Variants in ANXA6 observed in about 807,000 individuals in gnomAD.
ANXA6 encodes the protein 67 kDa calelectrin.
In ANXA6, 71 loss-of-function variants were observed where a neutral mutation model predicts 95.4. The observed-to-expected ratio is 0.74, with a 90% CI of 0.61 to 0.91. ANXA6 has a LOEUF of 0.91. ANXA6 is among the 40% of genes least tolerant of loss of function. ANXA6 has a pLI of 0.00. For synonymous variants in ANXA6, 289 were observed against 315.9 expected (o/e 0.91, Z 0.90); for missense variants, 830 against 876.4 (o/e 0.95, Z 0.67).
At chr5:151,123,122 T>A in intron 15 of ANXA6, 111 bp from the exon 16 acceptor site, 3 of 935,622 alleles carry the variant, frequency 3.2e-6, no homozygotes, top group Non-Finnish European at 5.1e-6. Flanking sequence ...GAAGCCTGGC[T>A]AAGCGGCCAT....
intron 1 of ANXA6, among the ~76,000 whole-genome samples, chr5:151,152,287 A>G (rs1393804831): frequency 6.6e-6 from 1 of 152,256 alleles, no homozygotes; most frequent in Non-Finnish European, 1.5e-5. Context: ...CGTGGCACAC[A>G]GTAAAGGCTC....
At chr5:151,143,842 G>A (rs1219089324) in intron 2 of ANXA6, among the ~76,000 whole-genome samples, 1 of 152,086 alleles carries the variant, frequency 6.6e-6, no homozygotes, top group Non-Finnish European at 1.5e-5. Context: ...TGGAGGTGAC[G>A]TCTAAGCTGA....
chr5:151,131,462 C>T (rs1042212706), intron 10 of ANXA6, among the ~76,000 whole-genome samples, 173 bp from the exon 11 acceptor site: 21 of 152,194 alleles, frequency 1.4e-4, no homozygotes, highest in Admixed American at 6.5e-5. Flanking sequence ...CCACTTTTAC[C>T]GCACACCCAG....
At chr5:151,101,719 G>A (rs1482700347) in intron 25 of ANXA6, among the ~76,000 whole-genome samples, 2 of 152,086 alleles carry the variant, frequency 1.3e-5, no homozygotes, top group Non-Finnish European at 2.9e-5. Flanking sequence ...GCAAGCTCCC[G>A]GCCTGGCTTC....
chr5:151,112,339 G>T (rs562872900), intron 20 of ANXA6, among the ~76,000 whole-genome samples: 1 of 152,058 alleles, frequency 6.6e-6, no homozygotes, highest in African/African-American at 2.4e-5. Flanking sequence ...ATACTTCCTG[G>T]GAAGTACTTA....
chr5:151,145,419 C>T (rs571102764), intron 2 of ANXA6, among the ~76,000 whole-genome samples: 11 of 152,330 alleles, frequency 7.2e-5, no homozygotes, highest in South Asian at 2.1e-4. Context: ...AAACCCAGAA[C>T]GTCCCTGTGA....
chr5:151,126,243 C>A (rs1765311418), intron 14 of ANXA6, among the ~76,000 whole-genome samples, 159 bp downstream of exon 14: 1 of 152,132 alleles, frequency 6.6e-6, no homozygotes, highest in African/African-American at 2.4e-5. Context: ...GCCCCTCCAC[C>A]AGTTCACCAC....
At chr5:151,147,974 T>C in intron 1 of ANXA6, 48 bp from the exon 2 acceptor site, 1 of 1,525,070 alleles carries the variant, frequency 6.6e-7, no homozygotes, top group Admixed American at 1.9e-5. Context: ...ACTCTAACCA[T>C]CCCCTTTCTT....
At chr5:151,138,844 C>A (rs1163133000) in intron 4 of ANXA6, 53 bp from the exon 5 acceptor site, 1 of 1,271,674 alleles carries the variant, frequency 7.9e-7, no homozygotes, top group Non-Finnish European at 1.1e-6. Flanking sequence ...AGAGTAGTTA[C>A]AACGGTAAGA....
At chr5:151,128,560 A>G (rs1372101394) in intron 12 of ANXA6, among the ~76,000 whole-genome samples, 4 of 152,222 alleles carry the variant, frequency 2.6e-5, no homozygotes, top group African/African-American at 9.6e-5. Flanking sequence ...CCAGTGCCCC[A>G]GCACAGCACT....
intron 8 of ANXA6, 131 bp from the exon 9 acceptor site, chr5:151,133,318 A>G: frequency 1.6e-6 from 1 of 636,054 alleles, no homozygotes; most frequent in Non-Finnish European, 2.9e-6. Context: ...ACCTTTGCAA[A>G]TAAAACAGTC....
intron 21 of ANXA6, 131 bp downstream of exon 21, chr5:151,110,496 G>T (rs916476495): frequency 2.1e-6 from 2 of 973,530 alleles, no homozygotes; most frequent in East Asian, 2.7e-5. Context: ...ACCAAGCAGG[G>T]CCCGGAAGGG....
Position 151,101,066 on chromosome 5 carries a change from T to G in ANXA6, c.*382A>C, listed in dbSNP as rs1294513453. The G allele has an allele frequency of 4.2e-6, 2 of 473,466 alleles. No homozygotes were observed. The highest frequency in any genetic ancestry group is 8.4e-6 in the Non-Finnish European group (2 of 238,970). 29.3% of individuals were successfully genotyped at this position (473,466 alleles called of 1,614,324 possible). A position where few individuals can be genotyped will look rare whatever the true frequency, so the allele number is the denominator to read the frequency against. On this transcript the variant is annotated 3_prime_UTR_variant, in exon 26 of 26. Transcript: ENST00000354546. ...CCGCCCAGCACATTCAACTGGCCCC[T>G]GCCACCAACCCCCTCATTCAAAGTA...
Position 151,108,458 on chromosome 5 carries a change from T to A in ANXA6, c.1777A>T (p.Ile593Phe). Reference sequence around the variant, plus strand: ...TCCCTTAGTCCCTGCCAGTTACCAATGGCCACAAATGCATCCCTGACATCC... The same window carrying A: ...TCCCTTAGTCCCTGCCAGTTACCAAAGGCCACAAATGCATCCCTGACATCC... ...SGDVRDAFVAIVQSVKNKPLF... is the reference protein window; with the variant it reads ...SGDVRDAFVAFVQSVKNKPLF... Residue 593 changes from isoleucine to phenylalanine, a missense_variant, in exon 23 of 26, where the codon ATT becomes TTT. Transcript: ENST00000354546. 6.2e-7 allele frequency: 1 copy of A among 1,613,754 alleles called. No homozygotes were observed. Among genetic ancestry groups the A allele is most frequent in the East Asian group, 2.2e-5 (1 of 44,884 alleles).
chr5:151,128,278 C>A, intron 12 of ANXA6, 39 bp from the exon 13 acceptor site: 1 of 1,553,828 alleles, frequency 6.4e-7, no homozygotes, highest in East Asian at 2.3e-5. Context: ...TCACCCAGCC[C>A]TGGGCTCCTC....
intron 4 of ANXA6, 96 bp downstream of exon 4, chr5:151,139,257 G>T: frequency 4.6e-6 from 4 of 870,190 alleles, no homozygotes; most frequent in Non-Finnish European, 7.2e-6. Flanking sequence ...GGCTAACCTG[G>T]AGTGCCATAT....
At chr5:151,121,484 G>A (rs971156537) in intron 17 of ANXA6, among the ~76,000 whole-genome samples, 1 of 152,222 alleles carries the variant, frequency 6.6e-6, no homozygotes, top group East Asian at 1.9e-4. Flanking sequence ...CTTGTTTAAT[G>A]TAGGGTCAGG....
chr5:151,129,555 C>T (rs368358246), intron 11 of ANXA6, 26 bp from the exon 12 acceptor site: 2 of 1,582,702 alleles, frequency 1.3e-6, no homozygotes, highest in Non-Finnish European at 1.7e-6. Context: ...GTTTGGGGAA[C>T]ATGGACTTGA....
intron 2 of ANXA6, chr5:151,141,613 A>G (rs1259229090): frequency 1.0e-6 from 1 of 985,360 alleles, no homozygotes; most frequent in Non-Finnish European, 1.2e-6. Context: ...CAACGTCTGC[A>G]CTGCAGGACC....
Sources: allele counts gnomAD v4.1 joint callset (sites outside exome capture counted in the v4.1 genomes callset), GRCh38; gene constraint gnomAD v4.1.1; transcripts MANE v1.5; gene names NCBI Gene and HGNC (gene_info 2026-07-23, HGNC 2026-07-21).